The following C1orf21 variants were observed in gnomAD, a reference collection of about 807,000 sequenced individuals.
C1orf21 encodes uncharacterized protein C1orf21.
A neutral mutation model predicts 18.7 loss-of-function variants in C1orf21; 3 were observed. The ratio of observed to expected loss-of-function variants is 0.16; its 90% CI spans 0.07 to 0.42. The LOEUF is 0.42. C1orf21 is among the 10% of genes least tolerant of loss of function. The pLI, the probability that C1orf21 is intolerant of heterozygous loss-of-function variation, is 0.99. For synonymous variants in C1orf21, 41 were observed against 46.4 expected (o/e 0.88, Z 0.47); for missense variants, 104 against 143.6 (o/e 0.72, Z 1.41).
intron 4 of C1orf21, among the ~76,000 whole-genome samples, chr1:184,594,354 T>G (rs1283635199): frequency 1.3e-5 from 2 of 152,206 alleles, no homozygotes; most frequent in Admixed American, 6.5e-5. Context: ...GATTTCTGGC[T>G]GGGCCTGAGA....
chr1:184,573,994 A>T (rs1659150032), intron 3 of C1orf21, among the ~76,000 whole-genome samples: 1 of 152,200 alleles, frequency 6.6e-6, no homozygotes, highest in Admixed American at 6.5e-5. Flanking sequence ...CAGGAGTTTG[A>T]GACCAGCCTA....
chr1:184,414,792 G>T (rs6657254), intron 1 of C1orf21, among the ~76,000 whole-genome samples: 2 of 151,866 alleles, frequency 1.3e-5, no homozygotes, highest in African/African-American at 4.8e-5. Flanking sequence ...ACCATTTGTT[G>T]AGTTTTATGA....
At chr1:184,407,154 A>T (rs1425856872) in intron 1 of C1orf21, among the ~76,000 whole-genome samples, 1 of 151,986 alleles carries the variant, frequency 6.6e-6, no homozygotes, top group African/African-American at 2.4e-5. Context: ...TTAAAAAAAA[A>T]TTTAGAGACA....
intron 2 of C1orf21, among the ~76,000 whole-genome samples, chr1:184,494,660 A>G (rs1657863868): frequency 6.6e-6 from 1 of 152,184 alleles, no homozygotes; most frequent in Non-Finnish European, 1.5e-5. Context: ...GTACCAATAC[A>G]AGCTCCTCTT....
rs531875678 is a variant in C1orf21 at position 184,558,563 on chromosome 1, C to G, written c.190-32176C>G. 3.9e-5 allele frequency among the ~76,000 whole-genome samples: 6 copies of G among 152,264 alleles called. No homozygotes were observed. In the South Asian group the frequency reaches 1.2e-3, roughly 32 times the overall value. On this transcript the variant is annotated intron_variant, in intron 3 of 5. Transcript: ENST00000235307. The stretch of plus-strand genomic sequence containing the variant: ...GCAGCCATCTATCCAATATAGACTC[C>G]CTTTTCCAGCATCCCAGACAGAGTC...
intron 1 of C1orf21, among the ~76,000 whole-genome samples, chr1:184,436,004 A>G (rs191498166): frequency 1.6e-4 from 24 of 152,292 alleles, no homozygotes; most frequent in Admixed American, 1.2e-3. Flanking sequence ...AAGTCAAACT[A>G]GTGAGGACAG....
intron 1 of C1orf21, among the ~76,000 whole-genome samples, chr1:184,453,704 G>A: frequency 6.6e-6 from 1 of 151,996 alleles, no homozygotes; most frequent in East Asian, 1.9e-4. Context: ...TGTTTGACTT[G>A]TTCTTCAAGA....
intron 5 of C1orf21, among the ~76,000 whole-genome samples, chr1:184,618,312 T>C (rs1314853989): frequency 6.6e-6 from 1 of 152,196 alleles, no homozygotes; most frequent in Non-Finnish European, 1.5e-5. Context: ...TACTATTAAC[T>C]CATTTAATCT....
At chr1:184,593,892 A>T (rs1036587766) in intron 4 of C1orf21, among the ~76,000 whole-genome samples, 1 of 152,232 alleles carries the variant, frequency 6.6e-6, no homozygotes, top group Non-Finnish European at 1.5e-5. Flanking sequence ...ATTACATAGA[A>T]CATGACGCAC....
Position 184,621,768 on chromosome 1 carries a change from A to G in C1orf21, c.*2212A>G, listed in dbSNP as rs1310864494. 1 of 152,178 alleles carries G rather than the reference A, an allele frequency of 6.6e-6. No individual in the cohort carries two copies. The highest frequency in any genetic ancestry group is 1.5e-5 in the Non-Finnish European group (1 of 68,038). 9.4% of individuals were successfully genotyped at this position (152,178 alleles called of 1,614,324 possible). On this transcript the variant is annotated 3_prime_UTR_variant, in exon 6 of 6. Transcript: ENST00000235307. ...GATCCAAGCGTTTCTTGGGAACCTG[A>G]CTTTTGAGTGTTTAATAAAGCCGGA...
At chr1:184,460,130 A>G (rs1481381147) in intron 1 of C1orf21, among the ~76,000 whole-genome samples, 2 of 152,108 alleles carry the variant, frequency 1.3e-5, no homozygotes, top group Admixed American at 1.3e-4. Context: ...GGAAATCATC[A>G]CTGCTTTTCT....
At chr1:184,520,570 ATGCCTTAC>A in intron 3 of C1orf21, among the ~76,000 whole-genome samples, 1 of 152,316 alleles carries the variant, frequency 6.6e-6, no homozygotes, top group South Asian at 2.1e-4. Context: ...ATTCACAGCG[ATGCCTTAC>A]TGCTCATAAT....
chr1:184,613,720 C>T (rs1199735712), intron 5 of C1orf21, among the ~76,000 whole-genome samples: 3 of 152,098 alleles, frequency 2.0e-5, no homozygotes, highest in African/African-American at 7.2e-5. Flanking sequence ...ATGGGCCACA[C>T]GAGGACTCCA....
At position 184,590,730 on chromosome 1, in the gene C1orf21, G is replaced by A; in HGVS notation, c.190-9G>A. The A allele has an allele frequency of 1.9e-6, 3 of 1,609,992 alleles. No homozygotes were observed. The highest frequency in any genetic ancestry group is 2.6e-6 in the Non-Finnish European group (3 of 1,176,344). ...CTGTCTTTCACATGTCTGTGTTTAT[G>A]TGTTTCAGGAAAAAAGTGCCAGCTC... On this transcript the variant is annotated splice_polypyrimidine_tract_variant and intron_variant, in intron 3 of 5. Transcript: ENST00000235307.
chr1:184,409,675 G>A (rs1182659489), intron 1 of C1orf21, among the ~76,000 whole-genome samples: 1 of 152,148 alleles, frequency 6.6e-6, no homozygotes, highest in African/African-American at 2.4e-5. Flanking sequence ...ACCTGATTCA[G>A]GGTGGGCCTG....
intron 1 of C1orf21, among the ~76,000 whole-genome samples, chr1:184,462,400 G>A (rs113315533): frequency 1.3e-5 from 2 of 152,152 alleles, no homozygotes; most frequent in East Asian, 1.9e-4. Context: ...AGCCTCCAGC[G>A]TTTTGTGATT....
chr1:184,410,316 T>C (rs1388061136), intron 1 of C1orf21, among the ~76,000 whole-genome samples: 2 of 152,136 alleles, frequency 1.3e-5, no homozygotes, highest in Admixed American at 1.3e-4. Context: ...TCTTTGATTT[T>C]ATACTTTTGT....
chr1:184,456,332 A>C (rs777521848), intron 1 of C1orf21, among the ~76,000 whole-genome samples: 3 of 152,184 alleles, frequency 2.0e-5, no homozygotes, highest in African/African-American at 4.8e-5. Flanking sequence ...GTTTGACAAG[A>C]GTATATATAC....
intron 1 of C1orf21, among the ~76,000 whole-genome samples, chr1:184,441,730 A>T (rs1476243259): frequency 2.0e-5 from 3 of 152,232 alleles, no homozygotes; most frequent in African/African-American, 7.2e-5. Flanking sequence ...ACAATTCTAA[A>T]TTGATTGAAA....
Sources: allele counts gnomAD v4.1 joint callset (sites outside exome capture counted in the v4.1 genomes callset), GRCh38; gene constraint gnomAD v4.1.1; transcripts MANE v1.5; gene names NCBI Gene and HGNC (gene_info 2026-07-23, HGNC 2026-07-21).